Variants in LYAR observed in about 807,000 individuals in gnomAD.
LYAR encodes the protein Ly1 antibody reactive, also known as cell growth-regulating nucleolar protein.
Under a neutral mutation model 45.2 loss-of-function variants are expected in LYAR, and 37 were observed. The observed-to-expected ratio is 0.82, with a 90% CI of 0.63 to 1.08. The LOEUF is 1.08. Ranked by LOEUF, LYAR falls within the 50% of genes least tolerant of loss-of-function variation. The probability of loss-of-function intolerance (pLI) is 0.00; values close to 1 mark genes in which losing one functional copy is unlikely to be tolerated. For missense variants in LYAR, 493 were observed against 451.0 expected, an observed-to-expected ratio of 1.09 and a Z score of -0.84; for synonymous variants, 176 against 155.1, an observed-to-expected ratio of 1.14 and a Z score of -1.00.
Position 4,274,860 on chromosome 4 carries a change from G to C in LYAR, c.430-91C>G, listed in dbSNP as rs1719117248. The C allele has an allele frequency of 2.3e-6, 3 of 1,282,960 alleles. No homozygotes were observed. In the South Asian group the frequency reaches 4.4e-5, roughly 19 times the overall value. 79.5% of individuals were successfully genotyped at this position (1,282,960 alleles called of 1,614,324 possible). On this transcript the variant is annotated intron_variant, in intron 6 of 9. Coordinates refer to ENST00000343470, the MANE Select transcript of LYAR (RefSeq NM_017816.3). The stretch of plus-strand genomic sequence containing the variant: ...ATTGCCTGGGCCTACTACATAAACT[G>C]TTCAAGAAAAACGGTTGGTTTAATC...
intron 9 of LYAR, 131 bp downstream of exon 9, chr4:4,268,399 C>A: frequency 1.5e-6 from 1 of 678,822 alleles, no homozygotes; most frequent in Non-Finnish European, 2.5e-6. Context: ...TTTGGAGCAG[C>A]TTGAAAATCA....
intron 1 of LYAR, chr4:4,289,477 C>T (rs972058058): frequency 6.6e-6 from 1 of 152,200 alleles, no homozygotes; most frequent in African/African-American, 2.4e-5. Flanking sequence ...TCATGGAGCA[C>T]CCAAGCCCTC....
At chr4:4,279,282 C>T (rs567496194) in intron 6 of LYAR, among the ~76,000 whole-genome samples, 165 bp downstream of exon 6, 4 of 152,180 alleles carry the variant, frequency 2.6e-5, no homozygotes, top group Admixed American at 1.3e-4. Context: ...CAGTGAGCCA[C>T]GATCGCACCA....
chr4:4,280,830 C>A (rs1403507679), intron 4 of LYAR, among the ~76,000 whole-genome samples: 1 of 152,224 alleles, frequency 6.6e-6, no homozygotes, highest in Non-Finnish European at 1.5e-5. Flanking sequence ...CACGTTCCAA[C>A]TCTATTATCA....
At chr4:4,270,491 G>A (rs1357457078) in intron 8 of LYAR, among the ~76,000 whole-genome samples, 1 of 146,442 alleles carries the variant, frequency 6.8e-6, no homozygotes, top group Admixed American at 6.8e-5. Context: ...TCCCACAAAG[G>A]AGTACTATTT....
intron 6 of LYAR, 37 bp from the exon 7 acceptor site, chr4:4,274,806 T>C: frequency 6.4e-7 from 1 of 1,554,096 alleles, no homozygotes; most frequent in Non-Finnish European, 8.7e-7. Context: ...ACATATTCAT[T>C]TTAAATGTGT....
chr4:4,284,142 G>A (rs894668114), intron 2 of LYAR, among the ~76,000 whole-genome samples: 1 of 152,170 alleles, frequency 6.6e-6, no homozygotes. Flanking sequence ...AAGGATACAC[G>A]GTTAACAGAA....
chr4:4,273,114 A>G (rs1201778563), intron 8 of LYAR, among the ~76,000 whole-genome samples: 2 of 152,188 alleles, frequency 1.3e-5, no homozygotes. Flanking sequence ...CAGGGGCAAG[A>G]GAGTTGGGGA....
At position 4,274,668 on chromosome 4, in the gene LYAR, G is replaced by A. The variant is rs755332700; in HGVS notation, c.531C>T (p.Ala177=). 2.4e-5 allele frequency: 38 copies of A among 1,613,530 alleles called. No individual in the cohort carries two copies. The highest frequency in any genetic ancestry group is 6.7e-5 in the African/African-American group (5 of 74,738). ...TCTTCACCTCCCCTTGCTGTTCCAC[G>A]GCGTCTTTCACTTTGGAGGCTGGAA... The part of the protein sequence containing the change: ...TKVPASKVKD[A]VEQQGEVKKN... The change falls in exon 7 of 10, where the codon GCC becomes GCT. Residue 177 remains alanine, a synonymous_variant. Transcript: ENST00000343470.
chr4:4,282,044 T>C (rs1719416028), intron 3 of LYAR, 147 bp from the exon 4 acceptor site: 1 of 597,026 alleles, frequency 1.7e-6, no homozygotes. Context: ...TCACTTATTA[T>C]GTTTACAGCC....
intron 2 of LYAR, among the ~76,000 whole-genome samples, chr4:4,284,613 G>A (rs1354192787): frequency 6.6e-6 from 1 of 152,104 alleles, no homozygotes; most frequent in African/African-American, 2.4e-5. Flanking sequence ...AAGTATGTCT[G>A]CACACGCACA....
At chr4:4,283,440 C>T (rs1208875027) in intron 3 of LYAR, among the ~76,000 whole-genome samples, 181 bp downstream of exon 3, 3 of 152,224 alleles carry the variant, frequency 2.0e-5, no homozygotes, top group Non-Finnish European at 2.9e-5. Context: ...TGAGCCACTG[C>T]GCCCGGCCTA....
At chr4:4,270,754 G>C (rs1192686591) in intron 8 of LYAR, among the ~76,000 whole-genome samples, 1 of 152,152 alleles carries the variant, frequency 6.6e-6, no homozygotes, top group African/African-American at 2.4e-5. Flanking sequence ...TCAGAATGGC[G>C]AAAATACAAC....
At chr4:4,285,483 G>A (rs181110214) in intron 2 of LYAR, among the ~76,000 whole-genome samples, 1 of 152,290 alleles carries the variant, frequency 6.6e-6, no homozygotes, top group Non-Finnish European at 1.5e-5. Context: ...TGACAAGGGA[G>A]AACAAAGGCT....
At chr4:4,270,154 G>C (rs1718875158) in intron 8 of LYAR, among the ~76,000 whole-genome samples, 1 of 151,240 alleles carries the variant, frequency 6.6e-6, no homozygotes, top group African/African-American at 2.4e-5. Context: ...AGTGAGTCAT[G>C]ATCACACCAA....
intron 1 of LYAR, among the ~76,000 whole-genome samples, chr4:4,288,486 C>CTTTTTTTTT (rs11338207): frequency 2.5e-5 from 3 of 121,020 alleles, no homozygotes; most frequent in African/African-American, 6.7e-5. Flanking sequence ...AATTTTTTTT[C>CTTTTTTTTT]TTTTTTTTTT....
intron 1 of LYAR, among the ~76,000 whole-genome samples, chr4:4,288,042 G>A (rs1577221355): frequency 6.6e-6 from 1 of 152,254 alleles, no homozygotes; most frequent in East Asian, 1.9e-4. Context: ...TAGAGGATCT[G>A]AGCTGGAGCC....
chr4:4,284,443 G>C (rs2980211), intron 2 of LYAR, among the ~76,000 whole-genome samples: 56,194 of 151,784 alleles, frequency 0.37, 10,939 homozygotes, highest in East Asian at 0.55. Flanking sequence ...AGGTTAAAAT[G>C]AGGACATGCG....
At chr4:4,285,432 G>A (rs1719567894) in intron 2 of LYAR, among the ~76,000 whole-genome samples, 1 of 152,156 alleles carries the variant, frequency 6.6e-6, no homozygotes, top group Admixed American at 6.5e-5. Flanking sequence ...AAAGGCAGAG[G>A]GATGATCAAC....
Sources: allele counts gnomAD v4.1 joint callset (sites outside exome capture counted in the v4.1 genomes callset), GRCh38; gene constraint gnomAD v4.1.1; transcripts MANE v1.5; gene names NCBI Gene and HGNC (gene_info 2026-07-23, HGNC 2026-07-21).